The following CORO2B variants were observed in gnomAD, a reference collection of about 807,000 sequenced individuals.
The protein encoded by CORO2B is coronin 2B.
In CORO2B, 26 loss-of-function variants were observed where a neutral mutation model predicts 58.8. That is an observed-to-expected ratio of 0.44 (90% confidence interval 0.32 to 0.61). The LOEUF (loss-of-function observed/expected upper bound fraction) is 0.61. Among genes scored for constraint, CORO2B ranks in the 20% least tolerant of loss-of-function variants. CORO2B has a pLI of 0.04. For missense variants in CORO2B, 460 were observed against 645.1 expected (o/e 0.71, Z 3.11); for synonymous variants, 242 against 253.8 (o/e 0.95, Z 0.44).
the CORO2B span, among the ~76,000 whole-genome samples, chr15:68,543,053 T>C: frequency 1.3e-5 from 2 of 152,198 alleles, no homozygotes; most frequent in African/African-American, 4.8e-5. Flanking sequence ...ACTGAGGCAA[T>C]GTGAGTCCAA....
At position 68,719,207 on chromosome 15, in the gene CORO2B, G is replaced by A; in HGVS notation, c.1144G>A (p.Asp382Asn). The part of the protein sequence containing the change: ...TPGTEPALTP[D>N]EWLGGINRDP... ...AGGCACGGAGCCAGCACTGACCCCG[G>A]ATGAATGGCTGGGAGGCATCAACCG... is the stretch of plus-strand genomic sequence containing the variant. The change falls in exon 10 of 12, where the codon GAT becomes AAT. Residue 382 changes from aspartate to asparagine, a missense_variant. Transcript: ENST00000261861. The A allele has an allele frequency of 6.2e-7, 1 of 1,614,064 alleles. No homozygotes were observed.
chr15:68,549,121 T>A, the CORO2B span, among the ~76,000 whole-genome samples: 1 of 152,140 alleles, frequency 6.6e-6, no homozygotes, highest in Non-Finnish European at 1.5e-5. Flanking sequence ...TGCAGAAAAA[T>A]TAGAAAATAT....
intron 3 of CORO2B, among the ~76,000 whole-genome samples, chr15:68,697,681 G>A (rs1401590000): frequency 6.6e-5 from 10 of 152,190 alleles, no homozygotes; most frequent in Non-Finnish European, 2.9e-5. Flanking sequence ...ACCAAATTAG[G>A]GACAGTGGTC....
chr15:68,524,640 AC>A, the CORO2B span, among the ~76,000 whole-genome samples: 1 of 152,248 alleles, frequency 6.6e-6, no homozygotes, highest in Non-Finnish European at 1.5e-5. Flanking sequence ...AATTTCTTTA[AC>A]CAAGAAGTTA....
chr15:68,662,718 A>G (rs895603679), intron 2 of CORO2B, among the ~76,000 whole-genome samples: 10 of 152,352 alleles, frequency 6.6e-5, no homozygotes, highest in Non-Finnish European at 1.3e-4. Flanking sequence ...AGATGCCACA[A>G]TTTGGTGCAG....
At chr15:68,639,764 C>T (rs1051329517) in intron 1 of CORO2B, among the ~76,000 whole-genome samples, 10 of 152,154 alleles carry the variant, frequency 6.6e-5, no homozygotes, top group African/African-American at 2.4e-4. Context: ...TAAGAAAGTC[C>T]TTTCTTTTAC....
chr15:68,596,405 G>A (rs8032777), intron 1 of CORO2B, among the ~76,000 whole-genome samples: 2 of 151,396 alleles, frequency 1.3e-5, no homozygotes, highest in Admixed American at 6.6e-5. Context: ...TGGAATGAAG[G>A]GGGGATAGAG....
chr15:68,653,119 G>T (rs536734684), intron 2 of CORO2B, among the ~76,000 whole-genome samples: 3 of 152,250 alleles, frequency 2.0e-5, no homozygotes, highest in Admixed American at 1.3e-4. Flanking sequence ...ATTCTAGTTG[G>T]CAAGGAGAGG....
At chr15:68,634,966 G>T (rs1900982644) in intron 1 of CORO2B, among the ~76,000 whole-genome samples, 1 of 152,188 alleles carries the variant, frequency 6.6e-6, no homozygotes, top group Non-Finnish European at 1.5e-5. Flanking sequence ...TGGTGGGCTT[G>T]GTTAAAATGC....
intron 1 of CORO2B, among the ~76,000 whole-genome samples, chr15:68,623,251 C>T (rs966029216): frequency 1.3e-4 from 20 of 152,186 alleles, no homozygotes; most frequent in South Asian, 2.1e-4. Flanking sequence ...AGCGAGGAAC[C>T]GGCCCGGCTC....
chr15:68,698,687 G>A (rs1458722839), intron 3 of CORO2B, among the ~76,000 whole-genome samples: 2 of 152,150 alleles, frequency 1.3e-5, no homozygotes, highest in Non-Finnish European at 2.9e-5. Flanking sequence ...CCAATGGAGT[G>A]TTACTTGGCC....
At chr15:68,541,620 C>T in the CORO2B span, among the ~76,000 whole-genome samples, 1 of 152,234 alleles carries the variant, frequency 6.6e-6, no homozygotes, top group African/African-American at 2.4e-5. Flanking sequence ...TCCCCAGCTA[C>T]TAAAACAAGA....
At chr15:68,520,593 T>G in the CORO2B span, among the ~76,000 whole-genome samples, 2 of 152,266 alleles carry the variant, frequency 1.3e-5, no homozygotes, top group African/African-American at 4.8e-5. Context: ...TATATTTTTC[T>G]ATCCGTTTAC....
At chr15:68,555,129 A>G in the CORO2B span, among the ~76,000 whole-genome samples, 2 of 152,078 alleles carry the variant, frequency 1.3e-5, no homozygotes, top group African/African-American at 4.8e-5. Context: ...CCGCTGGGTG[A>G]CGTCAGACTC....
chr15:68,716,358 A>T (rs1240751602), intron 8 of CORO2B, among the ~76,000 whole-genome samples: 3 of 152,198 alleles, frequency 2.0e-5, no homozygotes. Context: ...GGCTAATGTA[A>T]GGCTTAGAGA....
chr15:68,618,259 C>T (rs1428228735), intron 1 of CORO2B, among the ~76,000 whole-genome samples: 1 of 152,206 alleles, frequency 6.6e-6, no homozygotes, highest in African/African-American at 2.4e-5. Flanking sequence ...CAGCCTACCA[C>T]TTTGATTTCA....
chr15:68,719,588 G>A (rs758995711), intron 11 of CORO2B, 36 bp downstream of exon 11: 2 of 1,590,620 alleles, frequency 1.3e-6, no homozygotes, highest in Non-Finnish European at 1.7e-6. Flanking sequence ...ACAGGCCCTG[G>A]AAGAGCAAGA....
rs1170337337 is a variant in CORO2B, at chr15:68,579,117, G to T, written c.-146G>T. On this transcript the variant is annotated 5_prime_UTR_variant, in exon 1 of 12. Transcript: ENST00000261861. ...GGTCCCTGCGCGCTGCCCGCCCGGA[G>T]CGCAGCCCCCAGGCTCGGCCGAGCC... The T allele has an allele frequency of 3.7e-5, 36 of 982,342 alleles. No homozygotes were observed. The highest frequency in any genetic ancestry group is 4.3e-5 in the Non-Finnish European group (36 of 828,752). 60.9% of individuals were successfully genotyped at this position (982,342 alleles called of 1,614,324 possible). A position where few individuals can be genotyped will look rare whatever the true frequency, so the allele number is the denominator to read the frequency against.
At chr15:68,592,019 TG>T (rs1899719790) in intron 1 of CORO2B, among the ~76,000 whole-genome samples, 1 of 152,138 alleles carries the variant, frequency 6.6e-6, no homozygotes, top group Non-Finnish European at 1.5e-5. Context: ...AGCTTCTGGA[TG>T]CGAGTTTATG....
Sources: allele counts gnomAD v4.1 joint callset (sites outside exome capture counted in the v4.1 genomes callset), GRCh38; gene constraint gnomAD v4.1.1; transcripts MANE v1.5; gene names NCBI Gene and HGNC (gene_info 2026-07-23, HGNC 2026-07-21).